Variants in DAAM2 observed in about 807,000 individuals in gnomAD.
The protein encoded by DAAM2 is dishevelled associated activator of morphogenesis 2.
DAAM2 carries 39 observed loss-of-function variants against 120.7 expected under a neutral mutation model. That is an observed-to-expected ratio of 0.32 (90% CI 0.25 to 0.42). The LOEUF (loss-of-function observed/expected upper bound fraction) is 0.42. Ranked by LOEUF, DAAM2 falls within the 10% of genes least tolerant of loss-of-function variation. The pLI is 1.00. For synonymous variants in DAAM2, 488 were observed against 524.9 expected (o/e 0.93, Z 0.96); for missense variants, 1,283 against 1,401.7 (o/e 0.92, Z 1.35).
intron 17 of DAAM2, among the ~76,000 whole-genome samples, chr6:39,889,746 A>G (rs548225509): frequency 3.9e-4 from 59 of 152,330 alleles, no homozygotes; most frequent in African/African-American, 1.4e-3. Context: ...TAAACAACCA[A>G]TTAACACATA....
At chr6:39,898,989 T>C (rs1470129225) in intron 22 of DAAM2, 52 bp downstream of exon 22, 2 of 1,434,856 alleles carry the variant, frequency 1.4e-6, no homozygotes, top group Admixed American at 1.9e-5. Flanking sequence ...CAGCAAACAC[T>C]GTTCGTCACT....
intron 9 of DAAM2, 113 bp downstream of exon 9, chr6:39,871,685 T>C: frequency 1.1e-6 from 1 of 902,056 alleles, no homozygotes; most frequent in Admixed American, 2.4e-5. Context: ...GCTGGTTCCC[T>C]GGTGGGCACC....
intron 22 of DAAM2, chr6:39,899,498 C>T (rs1321766796): frequency 3.2e-5 from 5 of 157,778 alleles, no homozygotes; most frequent in South Asian, 1.9e-4. Context: ...TTGTCCCCCA[C>T]ACCTAGGAAG....
chr6:39,855,734 C>T (rs1763973216), intron 1 of DAAM2, among the ~76,000 whole-genome samples: 1 of 152,216 alleles, frequency 6.6e-6, no homozygotes, highest in Non-Finnish European at 1.5e-5. Flanking sequence ...GCTGCAGGAG[C>T]TATGCCACAT....
intron 3 of DAAM2, 179 bp downstream of exon 3, chr6:39,861,196 C>T (rs1258340922): frequency 1.5e-6 from 1 of 686,546 alleles, no homozygotes; most frequent in Non-Finnish European, 2.7e-6. Flanking sequence ...GGAGCTTACA[C>T]TCAAAGAAAT....
intron 1 of DAAM2, among the ~76,000 whole-genome samples, chr6:39,804,601 A>T (rs1208256113): frequency 6.6e-6 from 1 of 152,076 alleles, no homozygotes; most frequent in African/African-American, 2.4e-5. Context: ...AATAAAAGGG[A>T]TCAACTTAAT....
At position 39,834,462 on chromosome 6, in the gene DAAM2, G is replaced by A. The variant is rs187883294; in HGVS notation, c.-56-21785G>A. On this transcript the variant is annotated intron_variant, in intron 1 of 24. Coordinates refer to ENST00000274867, the MANE Select transcript of DAAM2 (RefSeq NM_001201427.2). ...TTTGCAGCAGTAGCTCCTGTTCGCC[G>A]AGCCTGGTACAGCCCTGACTCTCAG... Among the ~76,000 whole-genome samples the A allele has an allele frequency of 3.9e-5, 6 of 152,244 alleles. 1 individual carries two copies. In the East Asian group the frequency reaches 7.8e-4, roughly 20 times the overall value.
At chr6:39,851,088 T>C (rs6933490) in intron 1 of DAAM2, among the ~76,000 whole-genome samples, 12,577 of 152,258 alleles carry the variant, frequency 0.083, 965 homozygotes, top group African/African-American at 0.2. Flanking sequence ...TATAAGGTCA[T>C]TGTGAAGCTG....
At chr6:39,818,368 C>T (rs186650081) in intron 1 of DAAM2, among the ~76,000 whole-genome samples, 15 of 152,138 alleles carry the variant, frequency 9.9e-5, no homozygotes, top group African/African-American at 2.2e-4. Flanking sequence ...TGTGTGTAAT[C>T]GGGGGTGGGG....
At chr6:39,883,454 A>T (rs1439801914) in intron 14 of DAAM2, 1 of 152,602 alleles carries the variant, frequency 6.6e-6, no homozygotes, top group Non-Finnish European at 1.5e-5. Context: ...AAGTGGGAGG[A>T]AGACCCTTGG....
chr6:39,880,640 C>T (rs1389197904), intron 14 of DAAM2, among the ~76,000 whole-genome samples: 1 of 151,094 alleles, frequency 6.6e-6, no homozygotes, highest in Non-Finnish European at 1.5e-5. Flanking sequence ...GTAAATCACT[C>T]AACTTGTCTG....
chr6:39,879,258 AC>A lies in DAAM2; in HGVS notation c.1631del (p.Pro544LeufsTer62). 1 of 1,524,560 alleles carries A rather than the reference AC, an allele frequency of 6.6e-7. No homozygotes were observed. Among genetic ancestry groups the A allele is most frequent in the Admixed American group, 2.0e-5 (1 of 49,664 alleles). The allele number at this position is 1,524,560 out of a possible 1,614,324, so 94.4% of individuals were successfully genotyped here. On this transcript the variant is annotated frameshift_variant, in exon 14 of 25. Transcript: ENST00000274867. LOFTEE classifies it high-confidence loss of function. ...SSMTTNDLPP[P>X]PPPLPFACCP... ...CAATGACAACCAATGACCTGCCTCC[AC>A]CCCCTCCTCCTCTGCCCTTTGCCTG...
chr6:39,879,862 G>A (rs914404010), intron 14 of DAAM2: 1 of 365,778 alleles, frequency 2.7e-6, no homozygotes, highest in African/African-American at 2.1e-5. Flanking sequence ...TAAAGATCAG[G>A]ACAATGTATA....
At chr6:39,854,602 T>C (rs1428309518) in intron 1 of DAAM2, among the ~76,000 whole-genome samples, 1 of 152,240 alleles carries the variant, frequency 6.6e-6, no homozygotes. Context: ...GATGAGATTA[T>C]ACTAAATTAT....
intron 5 of DAAM2, among the ~76,000 whole-genome samples, chr6:39,866,559 T>C (rs73734936): frequency 0.021 from 3,175 of 152,346 alleles, 106 homozygotes; most frequent in African/African-American, 0.072. Context: ...ATCCGGCGCC[T>C]AGGTGAAACT....
chr6:39,845,031 T>C (rs925759861), intron 1 of DAAM2, among the ~76,000 whole-genome samples: 5 of 123,768 alleles, frequency 4.0e-5, no homozygotes, highest in African/African-American at 1.5e-4. Flanking sequence ...CACATATACA[T>C]ACACCACACA....
intron 1 of DAAM2, among the ~76,000 whole-genome samples, chr6:39,855,324 T>C (rs1349094535): frequency 6.6e-6 from 1 of 152,172 alleles, no homozygotes; most frequent in African/African-American, 2.4e-5. Flanking sequence ...CTCAAGCTGG[T>C]CATCATTGAC....
Position 39,904,485 on chromosome 6 carries a change from GA to G in DAAM2, c.*2449del, listed in dbSNP as rs1766686789. Reference sequence around the variant, plus strand: ...CTCCCCACTGCTCCTGCCACCTTTAGATAAGTTTCTCTAGCTAATTTTGTGG... The same window carrying G: ...CTCCCCACTGCTCCTGCCACCTTTAGTAAGTTTCTCTAGCTAATTTTGTGG... On this transcript the variant is annotated 3_prime_UTR_variant, in exon 25 of 25. Coordinates refer to ENST00000274867, the MANE Select transcript of DAAM2 (RefSeq NM_001201427.2). The G allele has an allele frequency of 2.2e-6, 1 of 454,450 alleles. No individual in the cohort carries two copies. The highest frequency in any genetic ancestry group is 7.0e-5 in the East Asian group (1 of 14,386). The allele number at this position is 454,450 out of a possible 1,614,324, so 28.2% of individuals were successfully genotyped here. A position where few individuals can be genotyped will look rare whatever the true frequency, so the allele number is the denominator to read the frequency against.
intron 1 of DAAM2, among the ~76,000 whole-genome samples, chr6:39,843,188 G>A (rs1372852787): frequency 6.6e-6 from 1 of 152,128 alleles, no homozygotes. Context: ...AAAGAGCACT[G>A]CGGGGGGAGT....
Sources: allele counts gnomAD v4.1 joint callset (sites outside exome capture counted in the v4.1 genomes callset), GRCh38; gene constraint gnomAD v4.1.1; transcripts MANE v1.5; gene names NCBI Gene and HGNC (gene_info 2026-07-23, HGNC 2026-07-21).